The following ADAD1 variants were observed in gnomAD, a reference collection of about 807,000 sequenced individuals.
ADAD1 encodes the protein adenosine deaminase domain containing 1.
A neutral mutation model predicts 66.8 loss-of-function variants in ADAD1; 46 were observed. The ratio of observed to expected loss-of-function variants is 0.69; its 90% CI spans 0.54 to 0.88. The LOEUF (loss-of-function observed/expected upper bound fraction) is 0.88. ADAD1 is among the 40% of genes least tolerant of loss of function. The probability of loss-of-function intolerance (pLI) is 0.00; values close to 1 mark genes in which losing one functional copy is unlikely to be tolerated. For synonymous variants in ADAD1, 248 were observed against 229.4 expected, an observed-to-expected ratio of 1.08 and a Z score of -0.73; for missense variants, 617 against 681.8, an observed-to-expected ratio of 0.91 and a Z score of 1.06.
intron 5 of ADAD1, among the ~76,000 whole-genome samples, chr4:122,387,154 A>G (rs961146517): frequency 1.3e-5 from 2 of 152,060 alleles, no homozygotes; most frequent in Non-Finnish European, 2.9e-5. Context: ...CACGATATTG[A>G]TTCTTCTATC....
At chr4:122,412,538 C>T (rs767041006) in intron 9 of ADAD1, 42 bp from the exon 10 acceptor site, 4 of 1,557,206 alleles carry the variant, frequency 2.6e-6, no homozygotes, top group African/African-American at 2.7e-5. Context: ...TGTTCTGTCA[C>T]CTTTGTTTTT....
intron 7 of ADAD1, among the ~76,000 whole-genome samples, chr4:122,398,720 A>G (rs988696251): frequency 3.3e-5 from 5 of 152,044 alleles, no homozygotes; most frequent in African/African-American, 9.7e-5. Context: ...GCATTTCCCT[A>G]ATAATTAGTG....
At chr4:122,397,592 G>T (rs1795776411) in intron 7 of ADAD1, among the ~76,000 whole-genome samples, 1 of 152,140 alleles carries the variant, frequency 6.6e-6, no homozygotes, top group South Asian at 2.1e-4. Flanking sequence ...AAAGATTGCA[G>T]GGGTTGAACC....
chr4:122,420,507 T>G (rs977463814), intron 11 of ADAD1, among the ~76,000 whole-genome samples: 14 of 152,202 alleles, frequency 9.2e-5, no homozygotes, highest in African/African-American at 2.9e-4. Flanking sequence ...CTATTGTGTT[T>G]GCTAAAACAA....
intron 11 of ADAD1, among the ~76,000 whole-genome samples, chr4:122,418,373 G>A (rs1197492734): frequency 1.4e-5 from 2 of 144,706 alleles, no homozygotes; most frequent in Non-Finnish European, 3.0e-5. Context: ...GCAGTGGCGC[G>A]ATATCGGCTC....
Position 122,380,144 on chromosome 4 carries a change from A to C in ADAD1, c.75A>C (p.Pro25=). The change falls in exon 3 of 13, where the codon CCA becomes CCC. Residue 25 remains proline (P), a synonymous_variant. Transcript: ENST00000296513. ...SFAQMLKKNL[P]VQPATKTITT... ...CCCAGATGCTGAAAAAGAACCTGCCAGTTCAACCAGCGACAAAGACGATAA... is the reference window on the plus strand; with the variant it reads ...CCCAGATGCTGAAAAAGAACCTGCCCGTTCAACCAGCGACAAAGACGATAA... The C allele has an allele frequency of 2.5e-6, 4 of 1,614,184 alleles. No homozygotes were observed. Among genetic ancestry groups the C allele is most frequent in the Non-Finnish European group, 1.7e-6 (2 of 1,180,026 alleles).
At chr4:122,412,211 A>G (rs1796496529) in intron 9 of ADAD1, among the ~76,000 whole-genome samples, 1 of 152,178 alleles carries the variant, frequency 6.6e-6, no homozygotes, top group Admixed American at 6.6e-5. Context: ...ACAAAGAAAA[A>G]TAGTTTTCCT....
intron 5 of ADAD1, among the ~76,000 whole-genome samples, chr4:122,388,928 C>T (rs1329352682): frequency 6.6e-6 from 1 of 152,196 alleles, no homozygotes; most frequent in African/African-American, 2.4e-5. Context: ...TTAGTTTACT[C>T]TTGCCTCCGA....
chr4:122,398,098 C>T (rs1213536919), intron 7 of ADAD1, among the ~76,000 whole-genome samples: 1 of 152,096 alleles, frequency 6.6e-6, no homozygotes, highest in Non-Finnish European at 1.5e-5. Context: ...ATGACACAAG[C>T]AGTCTATGCT....
In ADAD1 at chr4:122,381,216, C is replaced by T. The variant is rs191377814; in HGVS notation, c.361+36C>T. The T allele has an allele frequency of 1.1e-4, 169 of 1,509,160 alleles. No individual in the cohort carries two copies. The African/African-American group carries it at 1.2e-3, about 10-fold the overall frequency. The allele number at this position is 1,509,160 out of a possible 1,614,324, so 93.5% of individuals were successfully genotyped here. A position where few individuals can be genotyped will look rare whatever the true frequency, so the allele number is the denominator to read the frequency against. ...AATTGTATTTGTCTCAAAAACAAAACGAAAAGTATAGCAAAATAATTGTGC... is the reference window on the plus strand; with the variant it reads ...AATTGTATTTGTCTCAAAAACAAAATGAAAAGTATAGCAAAATAATTGTGC... On this transcript the variant is annotated intron_variant, in intron 4 of 12. Coordinates refer to ENST00000296513, the MANE Select transcript of ADAD1 (RefSeq NM_139243.4).
chr4:122,398,498 G>A, intron 7 of ADAD1, among the ~76,000 whole-genome samples: 1 of 152,166 alleles, frequency 6.6e-6, no homozygotes, highest in African/African-American at 2.4e-5. Context: ...ACCTAGTAGT[G>A]GGATTGTTGG....
intron 8 of ADAD1, among the ~76,000 whole-genome samples, chr4:122,408,378 C>T (rs558954647): frequency 3.0e-4 from 45 of 152,278 alleles, no homozygotes; most frequent in African/African-American, 1.1e-3. Context: ...CAGGTCCAAG[C>T]GATTCTATTG....
At chr4:122,412,885 A>G in intron 10 of ADAD1, 76 bp downstream of exon 10, 1 of 1,302,756 alleles carries the variant, frequency 7.7e-7, no homozygotes, top group Non-Finnish European at 1.1e-6. Context: ...TCAGTATAAA[A>G]TTAGTTTTAG....
chr4:122,417,569 GA>G (rs934190491), intron 11 of ADAD1, among the ~76,000 whole-genome samples: 2 of 152,116 alleles, frequency 1.3e-5, no homozygotes, highest in Non-Finnish European at 2.9e-5. Context: ...ACTGCTAATA[GA>G]GACAACAATT....
rs1794874981 is a variant in ADAD1 at position 122,381,083 on chromosome 4, G to T, written c.264G>T (p.Met88Ile). The change falls in exon 4 of 13, where the codon ATG (methionine) becomes ATT (isoleucine). Residue 88 changes from methionine (M) to isoleucine (I), a missense_variant. Coordinates refer to ENST00000296513, the MANE Select transcript of ADAD1 (RefSeq NM_139243.4). The stretch of plus-strand genomic sequence containing the variant: ...AAAAAATACCTAAGGAATTTATAAT[G>T]AAATACAAACGTGGAGAGATAAATC... ...PPKKIPKEFI[M>I]KYKRGEINPV... 1.9e-6 allele frequency: 3 copies of T among 1,604,612 alleles called. No homozygotes were observed. In the African/African-American group the frequency reaches 4.1e-5, roughly 22 times the overall value.
intron 2 of ADAD1, 30 bp from the exon 3 acceptor site, chr4:122,380,031 TG>T: frequency 6.3e-7 from 1 of 1,577,542 alleles, no homozygotes; most frequent in Non-Finnish European, 8.6e-7. Context: ...CGTTTTGTCT[TG>T]TTTTCTGCCA....
At chr4:122,413,878 G>A (rs1262543955) in intron 10 of ADAD1, among the ~76,000 whole-genome samples, 31 of 65,994 alleles carry the variant, frequency 4.7e-4, no homozygotes, top group Admixed American at 2.8e-3. Flanking sequence ...ATATATATAT[G>A]AATTATTGTC....
intron 8 of ADAD1, among the ~76,000 whole-genome samples, chr4:122,409,913 C>T (rs548606772): frequency 6.6e-6 from 1 of 152,258 alleles, no homozygotes; most frequent in South Asian, 2.1e-4. Context: ...ACCTCCTGAC[C>T]TTGTGATCTG....
intron 6 of ADAD1, among the ~76,000 whole-genome samples, chr4:122,395,853 A>C (rs1795685004): frequency 6.6e-6 from 1 of 152,206 alleles, no homozygotes; most frequent in Non-Finnish European, 1.5e-5. Flanking sequence ...CAATGGGACA[A>C]ATAATAAGAG....
Sources: allele counts gnomAD v4.1 joint callset (sites outside exome capture counted in the v4.1 genomes callset), GRCh38; gene constraint gnomAD v4.1.1; transcripts MANE v1.5; gene names NCBI Gene and HGNC (gene_info 2026-07-23, HGNC 2026-07-21).